ADK: variants seen among roughly 807,000 people sequenced by gnomAD.
ADK encodes adenosine kinase.
ADK carries 24 observed loss-of-function variants against 44.7 expected under a neutral mutation model. That is an observed-to-expected ratio of 0.54 (90% CI 0.39 to 0.76). The LOEUF (loss-of-function observed/expected upper bound fraction) is 0.76. Ranked by LOEUF, ADK falls within the 30% of genes least tolerant of loss-of-function variation. The pLI is 0.00. For missense variants in ADK, 321 were observed against 425.1 expected, an observed-to-expected ratio of 0.76 and a Z score of 2.15; for synonymous variants, 128 against 142.6, an observed-to-expected ratio of 0.90 and a Z score of 0.73.
At chr10:74,493,013 A>G (rs1457326236) in intron 6 of ADK, among the ~76,000 whole-genome samples, 2 of 152,144 alleles carry the variant, frequency 1.3e-5, no homozygotes, top group East Asian at 1.9e-4. Flanking sequence ...AGTTATTACT[A>G]TGGAGATTGC....
At chr10:74,301,025 A>G (rs911209231) in intron 3 of ADK, among the ~76,000 whole-genome samples, 6 of 152,246 alleles carry the variant, frequency 3.9e-5, no homozygotes, top group African/African-American at 1.4e-4. Context: ...AAGGGGAAAT[A>G]TCAAGAAAAA....
intron 2 of ADK, among the ~76,000 whole-genome samples, chr10:74,208,044 C>T (rs1843666580): frequency 6.6e-6 from 1 of 152,260 alleles, no homozygotes; most frequent in South Asian, 2.1e-4. Context: ...GCCCCGAGCA[C>T]ATGCACACCT....
At chr10:74,579,720 A>T (rs1161080219) in intron 7 of ADK, among the ~76,000 whole-genome samples, 1 of 152,194 alleles carries the variant, frequency 6.6e-6, no homozygotes, top group African/African-American at 2.4e-5. Context: ...CTCCACAGAG[A>T]TAGAGCACAC....
chr10:74,638,121 A>G (rs1414902830), intron 9 of ADK, among the ~76,000 whole-genome samples: 1 of 152,206 alleles, frequency 6.6e-6, no homozygotes. Flanking sequence ...CTGAGGTATA[A>G]TAAATTGAGT....
intron 5 of ADK, among the ~76,000 whole-genome samples, chr10:74,395,952 A>C (rs1412081777): frequency 6.6e-6 from 1 of 152,208 alleles, no homozygotes; most frequent in East Asian, 1.9e-4. Context: ...TGGAGGTTGC[A>C]GTGAGCCGAG....
chr10:74,196,640 T>C (rs138509955), intron 1 of ADK, among the ~76,000 whole-genome samples: 1,919 of 152,262 alleles, frequency 0.013, 15 homozygotes, highest in Non-Finnish European at 0.015. Flanking sequence ...TAATGACAAT[T>C]TACGTCTGTC....
chr10:74,580,950 G>A (rs1851352970), intron 7 of ADK, among the ~76,000 whole-genome samples: 1 of 151,868 alleles, frequency 6.6e-6, no homozygotes, highest in Non-Finnish European at 1.5e-5. Context: ...CAAGAAGATA[G>A]CTTGAGCCCA....
intron 3 of ADK, among the ~76,000 whole-genome samples, chr10:74,306,390 G>T (rs919055743): frequency 1.3e-5 from 2 of 152,138 alleles, no homozygotes; most frequent in East Asian, 3.9e-4. Flanking sequence ...GGAGCTCTCC[G>T]CCTTGGTAAT....
intron 6 of ADK, among the ~76,000 whole-genome samples, chr10:74,409,694 A>G (rs1477645994): frequency 1.3e-5 from 2 of 152,172 alleles, no homozygotes; most frequent in Admixed American, 6.5e-5. Context: ...AGAGTTTTCA[A>G]ATGTCACTAA....
chr10:74,495,708 C>G (rs1010052763), intron 6 of ADK, among the ~76,000 whole-genome samples: 4 of 152,108 alleles, frequency 2.6e-5, no homozygotes, highest in African/African-American at 9.7e-5. Context: ...CAGTTCTTTC[C>G]TAGCCTACCT....
At chr10:74,347,142 A>G (rs1347692044) in intron 4 of ADK, among the ~76,000 whole-genome samples, 2 of 139,466 alleles carry the variant, frequency 1.4e-5, no homozygotes, top group Admixed American at 1.4e-4. Context: ...AAAAAAAAAA[A>G]GATGGCCGAA....
At chr10:74,467,251 A>G (rs890690261) in intron 6 of ADK, among the ~76,000 whole-genome samples, 1 of 152,134 alleles carries the variant, frequency 6.6e-6, no homozygotes, top group Non-Finnish European at 1.5e-5. Flanking sequence ...TACCTTTTGA[A>G]CAACATTTTA....
intron 3 of ADK, among the ~76,000 whole-genome samples, chr10:74,261,188 T>C (rs1030573709): frequency 1.1e-4 from 17 of 152,330 alleles, no homozygotes; most frequent in South Asian, 2.1e-4. Context: ...CTTAAACAAA[T>C]ATTTGGTCCC....
intron 10 of ADK, among the ~76,000 whole-genome samples, chr10:74,696,968 A>G (rs556915893): frequency 6.6e-5 from 10 of 152,310 alleles, no homozygotes; most frequent in African/African-American, 2.2e-4. Context: ...TCTATTTTCA[A>G]TGCATAAACA....
chr10:74,358,659 C>T (rs980836251), intron 4 of ADK, among the ~76,000 whole-genome samples: 1 of 152,164 alleles, frequency 6.6e-6, no homozygotes, highest in African/African-American at 2.4e-5. Context: ...GCTAGGAATT[C>T]TTGTGTTTGG....
intron 7 of ADK, among the ~76,000 whole-genome samples, chr10:74,577,446 A>T (rs1055726120): frequency 2.0e-5 from 3 of 152,012 alleles, no homozygotes; most frequent in African/African-American, 7.2e-5. Context: ...TTTATATGTT[A>T]GCTTTATTAA....
chr10:74,238,914 G>A (rs1048709197), intron 3 of ADK, among the ~76,000 whole-genome samples: 7 of 136,990 alleles, frequency 5.1e-5, no homozygotes, highest in African/African-American at 1.4e-4. Flanking sequence ...AGGCTGGAGT[G>A]TAGTGGTGCG....
intron 9 of ADK, among the ~76,000 whole-genome samples, chr10:74,637,774 A>G (rs1853667048): frequency 6.6e-6 from 1 of 152,202 alleles, no homozygotes; most frequent in Admixed American, 6.5e-5. Context: ...AAACCTTGAG[A>G]CTGCTGAGTC....
intron 8 of ADK, among the ~76,000 whole-genome samples, chr10:74,592,633 C>T (rs190081990): frequency 6.6e-6 from 1 of 151,950 alleles, no homozygotes. Flanking sequence ...ATAGGGGAAA[C>T]AAAGCAATCC....
Sources: allele counts gnomAD v4.1 joint callset (sites outside exome capture counted in the v4.1 genomes callset), GRCh38; gene constraint gnomAD v4.1.1; transcripts MANE v1.5; gene names NCBI Gene and HGNC (gene_info 2026-07-23, HGNC 2026-07-21).